PLCL1: variants seen among roughly 807,000 people sequenced by gnomAD.
PLCL1 encodes phospholipase C like 1 (inactive), also known as inactive phospholipase C-like protein 1.
Under a neutral mutation model 84.4 loss-of-function variants are expected in PLCL1, and 41 were observed. That is an observed-to-expected ratio of 0.49 (90% CI 0.38 to 0.63). The LOEUF is 0.63. PLCL1 is among the 30% of genes least tolerant of loss of function. The pLI, the probability that PLCL1 is intolerant of heterozygous loss-of-function variation, is 0.00. For synonymous variants in PLCL1, 490 were observed against 488.3 expected (o/e 1.00, Z -0.05); for missense variants, 1,206 against 1,367.8 (o/e 0.88, Z 1.87).
intron 5 of PLCL1, among the ~76,000 whole-genome samples, chr2:198,121,735 G>A (rs73063036): frequency 0.019 from 2,906 of 151,976 alleles, 37 homozygotes; most frequent in African/African-American, 0.031. Flanking sequence ...GAAGAACCTG[G>A]CCTACTCTTT....
intron 1 of PLCL1, among the ~76,000 whole-genome samples, chr2:197,897,102 C>T (rs1688151104): frequency 5.3e-5 from 2 of 37,532 alleles, no homozygotes; most frequent in African/African-American, 3.0e-4. Context: ...ATGACTCCTT[C>T]TTCTTCTTCT....
intron 3 of PLCL1, among the ~76,000 whole-genome samples, chr2:198,093,650 T>C (rs1693111253): frequency 6.6e-6 from 1 of 152,148 alleles, no homozygotes; most frequent in African/African-American, 2.4e-5. Flanking sequence ...TTCTTGAAAA[T>C]GGTAATGAAC....
chr2:198,018,052 G>T (rs1378385963), intron 1 of PLCL1, among the ~76,000 whole-genome samples: 1 of 152,198 alleles, frequency 6.6e-6, no homozygotes, highest in Non-Finnish European at 1.5e-5. Flanking sequence ...CACTGGGATT[G>T]GTTAGACAGT....
At chr2:197,903,949 T>C (rs1283938063) in intron 1 of PLCL1, among the ~76,000 whole-genome samples, 1 of 151,628 alleles carries the variant, frequency 6.6e-6, no homozygotes, top group Non-Finnish European at 1.5e-5. Context: ...ATTACAGGCA[T>C]GTACCACCAC....
At chr2:197,822,129 G>A (rs1049631761) in intron 1 of PLCL1, among the ~76,000 whole-genome samples, 5 of 152,116 alleles carry the variant, frequency 3.3e-5, no homozygotes, top group African/African-American at 1.2e-4. Context: ...AACTTAGGAT[G>A]CCTTGAGTAA....
chr2:198,039,550 C>T (rs548124141), intron 1 of PLCL1, among the ~76,000 whole-genome samples: 1 of 152,230 alleles, frequency 6.6e-6, no homozygotes, highest in Non-Finnish European at 1.5e-5. Context: ...GGAGAAAGGA[C>T]TTCTATTTTT....
chr2:197,821,277 A>T (rs538871026), intron 1 of PLCL1, among the ~76,000 whole-genome samples: 1 of 152,264 alleles, frequency 6.6e-6, no homozygotes, highest in East Asian at 1.9e-4. Context: ...TCTTTTTTAA[A>T]GGAGGAATTT....
chr2:197,976,393 C>T (rs764972524), intron 1 of PLCL1, among the ~76,000 whole-genome samples: 1 of 152,200 alleles, frequency 6.6e-6, no homozygotes, highest in African/African-American at 2.4e-5. Context: ...CAATCCCTGG[C>T]CTCAGAGATC....
intron 1 of PLCL1, among the ~76,000 whole-genome samples, chr2:197,865,752 C>T (rs1393125723): frequency 6.6e-6 from 1 of 151,616 alleles, no homozygotes; most frequent in Non-Finnish European, 1.5e-5. Flanking sequence ...GTGGCTCACA[C>T]CTGTAATCCC....
intron 1 of PLCL1, among the ~76,000 whole-genome samples, chr2:197,890,070 C>T (rs890943581): frequency 8.5e-5 from 13 of 152,124 alleles, no homozygotes; most frequent in Admixed American, 5.9e-4. Context: ...TTAATAAATT[C>T]ATCTTGGACA....
intron 1 of PLCL1, among the ~76,000 whole-genome samples, chr2:197,973,669 A>G (rs1175732360): frequency 1.3e-5 from 2 of 152,148 alleles, no homozygotes; most frequent in African/African-American, 2.4e-5. Flanking sequence ...GGAGCTTCAC[A>G]TGTTCAGGGA....
At chr2:198,095,428 G>A (rs897067349) in intron 3 of PLCL1, among the ~76,000 whole-genome samples, 15 of 152,116 alleles carry the variant, frequency 9.9e-5, no homozygotes, top group African/African-American at 2.2e-4. Context: ...CTTAAATTGG[G>A]TGTTGTTAAG....
chr2:198,031,467 A>G (rs930046788), intron 1 of PLCL1, among the ~76,000 whole-genome samples: 1 of 151,860 alleles, frequency 6.6e-6, no homozygotes, highest in African/African-American at 2.4e-5. Flanking sequence ...TTTTATATTT[A>G]TCAATTGTAT....
At chr2:197,921,785 C>T (rs1688702694) in intron 1 of PLCL1, among the ~76,000 whole-genome samples, 1 of 152,096 alleles carries the variant, frequency 6.6e-6, no homozygotes, top group Admixed American at 6.5e-5. Context: ...AACTGAAATC[C>T]AGTTCACACT....
intron 1 of PLCL1, among the ~76,000 whole-genome samples, chr2:197,862,475 A>G (rs762373479): frequency 1.3e-5 from 2 of 152,166 alleles, no homozygotes; most frequent in Non-Finnish European, 2.9e-5. Context: ...CAGAAAATGT[A>G]AAATGGGAAA....
intron 1 of PLCL1, among the ~76,000 whole-genome samples, chr2:197,926,597 CCACTAT>C (rs1298818357): frequency 2.6e-5 from 4 of 152,044 alleles, no homozygotes; most frequent in African/African-American, 9.7e-5. Flanking sequence ...AAATAAAAAC[CCACTAT>C]CACATGGCAC....
chr2:198,099,625 A>C (rs1693282918), intron 3 of PLCL1, among the ~76,000 whole-genome samples: 1 of 152,168 alleles, frequency 6.6e-6, no homozygotes, highest in African/African-American at 2.4e-5. Flanking sequence ...TATTACTAAA[A>C]GATTTCTGGT....
Position 198,083,973 on chromosome 2 carries a change from C to G in PLCL1, c.456C>G (p.Asp152Glu). ...TTCGCTGGGAACCTTCAAAGAAAGA[C>G]CTCGAGAAAGCCAAGCTTGATATTT... ...QALRWEPSKK[D>E]LEKAKLDISA... The change falls in exon 2 of 6, where the codon GAC becomes GAG. Residue 152 changes from aspartate to glutamate, a missense_variant. Coordinates refer to ENST00000428675, the MANE Select transcript of PLCL1 (RefSeq NM_006226.4). The G allele has an allele frequency of 6.2e-7, 1 of 1,614,122 alleles. No homozygotes were observed. Among genetic ancestry groups the G allele is most frequent in the Non-Finnish European group, 8.5e-7 (1 of 1,179,970 alleles).
chr2:198,102,379 G>A (rs767532681), intron 4 of PLCL1, among the ~76,000 whole-genome samples: 1 of 152,072 alleles, frequency 6.6e-6, no homozygotes, highest in Non-Finnish European at 1.5e-5. Context: ...GACTCACATA[G>A]CTAGTAAGTG....
Sources: gnomAD v4.1 joint callset for allele counts (sites outside exome capture counted in the v4.1 genomes callset) on GRCh38, gnomAD v4.1.1 for gene constraint, MANE v1.5 for transcripts, NCBI Gene and HGNC (gene_info 2026-07-23, HGNC 2026-07-21) for gene names.